Variants in AK5 observed in about 807,000 individuals in gnomAD.
AK5 encodes the protein adenylate kinase 5.
A neutral mutation model predicts 69.5 loss-of-function variants in AK5; 27 were observed. That is an observed-to-expected ratio of 0.39 (90% confidence interval 0.29 to 0.54). The LOEUF (loss-of-function observed/expected upper bound fraction) is 0.54, where lower values mean the gene tolerates loss of function less well. AK5 is among the 20% of genes least tolerant of loss of function. AK5 has a pLI of 0.71. For missense variants in AK5, 531 were observed against 700.4 expected, an observed-to-expected ratio of 0.76 and a Z score of 2.73; for synonymous variants, 260 against 244.4, an observed-to-expected ratio of 1.06 and a Z score of -0.60.
rs542211096 is a variant in AK5 at position 77,340,704 on chromosome 1, G to T, written c.891+136G>T. The T allele has an allele frequency of 6.9e-6, 4 of 577,936 alleles. No homozygotes were observed. In the East Asian group the frequency reaches 9.5e-5, roughly 14 times the overall value. The allele number at this position is 577,936 out of a possible 1,614,324, so 35.8% of individuals were successfully genotyped here. Reference sequence around the variant, plus strand: ...GGGTACAGAACCAATGGAAAAAAATGTATCATTTTGACCTGATTTGCCTTT... The same window carrying T: ...GGGTACAGAACCAATGGAAAAAAATTTATCATTTTGACCTGATTTGCCTTT... On this transcript the variant is annotated intron_variant, in intron 6 of 13. Coordinates refer to ENST00000354567, the MANE Select transcript of AK5 (RefSeq NM_174858.3).
At chr1:77,283,224 T>G in intron 1 of AK5, 1 of 985,484 alleles carries the variant, frequency 1.0e-6, no homozygotes, top group Non-Finnish European at 1.2e-6. Flanking sequence ...GTCGTTTGGC[T>G]TCCTTTCCTT....
chr1:77,387,040 T>C (rs1237922581), intron 6 of AK5, among the ~76,000 whole-genome samples: 1 of 152,230 alleles, frequency 6.6e-6, no homozygotes, highest in Non-Finnish European at 1.5e-5. Context: ...CTTTTATGGC[T>C]GAATAGAATT....
chr1:77,448,391 A>G (rs1570150726), intron 8 of AK5, among the ~76,000 whole-genome samples: 1 of 151,728 alleles, frequency 6.6e-6, no homozygotes, highest in Non-Finnish European at 1.5e-5. Context: ...GGAAATACCC[A>G]CTCTGGGTCT....
chr1:77,433,659 C>A (rs1285240999), intron 8 of AK5, among the ~76,000 whole-genome samples: 3 of 152,162 alleles, frequency 2.0e-5, no homozygotes, highest in South Asian at 4.1e-4. Context: ...TTTTTGTTCA[C>A]AAATGTTTAC....
intron 6 of AK5, among the ~76,000 whole-genome samples, chr1:77,380,723 A>G (rs1367315902): frequency 6.6e-6 from 1 of 152,216 alleles, no homozygotes. Context: ...CCTGGGTACC[A>G]TGTGCTGTCA....
At chr1:77,529,715 C>T (rs1658476708) in intron 12 of AK5, among the ~76,000 whole-genome samples, 1 of 152,188 alleles carries the variant, frequency 6.6e-6, no homozygotes, top group African/African-American at 2.4e-5. Context: ...TACTCAACAT[C>T]AGCCAAATTA....
chr1:77,373,927 A>G (rs1049018478), intron 6 of AK5, among the ~76,000 whole-genome samples: 1 of 152,238 alleles, frequency 6.6e-6, no homozygotes, highest in Non-Finnish European at 1.5e-5. Flanking sequence ...TAATAAGTAT[A>G]TCAGAAAAGC....
intron 6 of AK5, among the ~76,000 whole-genome samples, chr1:77,367,377 G>A (rs1646969561): frequency 6.7e-6 from 1 of 150,058 alleles, no homozygotes; most frequent in African/African-American, 2.5e-5. Context: ...CACCCAGGCT[G>A]CAGTGCAGTG....
intron 3 of AK5, among the ~76,000 whole-genome samples, chr1:77,295,800 TA>T (rs1437656091): frequency 1.3e-5 from 2 of 152,190 alleles, no homozygotes; most frequent in African/African-American, 2.4e-5. Flanking sequence ...AGAGCACAAA[TA>T]TTTTTTGTGT....
chr1:77,540,338 C>A (rs999816805), intron 13 of AK5, among the ~76,000 whole-genome samples: 2 of 152,176 alleles, frequency 1.3e-5, no homozygotes, highest in Non-Finnish European at 2.9e-5. Context: ...AGAGGTTTGC[C>A]CTGCATCTGA....
intron 10 of AK5, among the ~76,000 whole-genome samples, chr1:77,510,401 C>T (rs2100288806): frequency 6.6e-6 from 1 of 152,072 alleles, no homozygotes. Context: ...AATATGCAAT[C>T]ACTGTTGAAC....
At chr1:77,317,885 G>T (rs956648827) in intron 5 of AK5, among the ~76,000 whole-genome samples, 2 of 152,178 alleles carry the variant, frequency 1.3e-5, no homozygotes, top group Admixed American at 6.5e-5. Flanking sequence ...CCAAGAATCT[G>T]CAAGTTTACA....
At position 77,408,781 on chromosome 1, in the gene AK5, T is replaced by TG. The variant is rs1230307173; in HGVS notation, c.892-2200_892-2199insG. Among the ~76,000 whole-genome samples, 4 of 152,178 alleles carry TG rather than the reference T, an allele frequency of 2.6e-5. No individual in the cohort carries two copies. The East Asian group carries it at 7.7e-4, about 29-fold the overall frequency. On this transcript the variant is annotated intron_variant, in intron 6 of 13. Coordinates refer to ENST00000354567, the MANE Select transcript of AK5 (RefSeq NM_174858.3). ...TTTCTTTTTTAATTTTTATTTTTGG[T>TG]TTGGGGGCACATGTAAAGGTTTGTT... is the stretch of plus-strand genomic sequence containing the variant.
chr1:77,537,434 A>G lies in AK5; in HGVS notation c.1620+1396A>G, dbSNP rs1417131531. Among the ~76,000 whole-genome samples, 8 of 152,234 alleles carry G rather than the reference A, an allele frequency of 5.3e-5. No individual in the cohort carries two copies. In the East Asian group the frequency reaches 1.5e-3, roughly 29 times the overall value. ...GGGAACTACCAAAGGGGCAGGAATA[A>G]TCAGGATTTCAATCTAGAAAGCTCA... On this transcript the variant is annotated intron_variant, in intron 13 of 13. Coordinates refer to ENST00000354567, the MANE Select transcript of AK5 (RefSeq NM_174858.3).
At chr1:77,345,025 A>G (rs1661843116) in intron 6 of AK5, among the ~76,000 whole-genome samples, 2 of 151,728 alleles carry the variant, frequency 1.3e-5, no homozygotes, top group South Asian at 4.2e-4. Flanking sequence ...TGCAATGTAT[A>G]TGTTATTTTT....
chr1:77,508,939 A>G (rs1185446299), intron 10 of AK5, among the ~76,000 whole-genome samples: 1 of 152,154 alleles, frequency 6.6e-6, no homozygotes, highest in Non-Finnish European at 1.5e-5. Flanking sequence ...TATGGAAGGA[A>G]AGCTGGGATA....
intron 2 of AK5, 129 bp downstream of exon 2, chr1:77,287,256 T>A (rs1658411132): frequency 3.4e-6 from 2 of 587,412 alleles, no homozygotes; most frequent in Non-Finnish European, 5.2e-6. Context: ...GGATCACGAT[T>A]AATTTTTCTC....
In AK5 at chr1:77,505,352, GC is replaced by G; in HGVS notation, c.1148-13209del. 2.6e-5 allele frequency among the ~76,000 whole-genome samples: 4 copies of G among 152,304 alleles called. No individual in the cohort carries two copies. The Middle Eastern group carries it at 0.014, about 518-fold the overall frequency. On this transcript the variant is annotated intron_variant, in intron 10 of 13. Transcript: ENST00000354567. ...CTTATTTTCAGATGAGAATCCAGAA[GC>G]CCAAAGAGGTGAGATATCAGAGCAG...
chr1:77,544,635 A>G (rs1224105368), intron 13 of AK5, among the ~76,000 whole-genome samples: 4 of 151,842 alleles, frequency 2.6e-5, no homozygotes, highest in African/African-American at 7.3e-5. Context: ...TCATCATGCC[A>G]CTGTCTTTAC....
Sources: gnomAD v4.1 joint callset for allele counts (sites outside exome capture counted in the v4.1 genomes callset) on GRCh38, gnomAD v4.1.1 for gene constraint, MANE v1.5 for transcripts, NCBI Gene and HGNC (gene_info 2026-07-23, HGNC 2026-07-21) for gene names.